Variants in PCDHGA1 observed in about 807,000 individuals in gnomAD.
The protein encoded by PCDHGA1 is protocadherin gamma subfamily A, 1, also known as protocadherin gamma-A1.
PCDHGA1 carries 32 observed loss-of-function variants against 58.0 expected under a neutral mutation model. That is an observed-to-expected ratio of 0.55 (90% confidence interval 0.42 to 0.74). PCDHGA1 has a LOEUF of 0.74. PCDHGA1 is among the 30% of genes least tolerant of loss of function. The pLI is 0.00. For missense variants in PCDHGA1, 1,205 were observed against 1,182.3 expected (o/e 1.02, Z -0.28); for synonymous variants, 498 against 501.1 (o/e 0.99, Z 0.08).
chr5:141,409,102 G>T, intron 1 of PCDHGA1: 2 of 1,613,996 alleles, frequency 1.2e-6, no homozygotes, highest in Non-Finnish European at 8.5e-7. Flanking sequence ...AAACAGGTAT[G>T]ATTAAGAATA....
intron 1 of PCDHGA1, among the ~76,000 whole-genome samples, chr5:141,402,220 C>T (rs1489596372): frequency 2.0e-5 from 3 of 151,886 alleles, no homozygotes; most frequent in African/African-American, 2.4e-5. Context: ...TTAAAATAAA[C>T]GTTTTTCCAG....
At chr5:141,415,686 G>A in intron 1 of PCDHGA1, 2 of 1,535,424 alleles carry the variant, frequency 1.3e-6, no homozygotes, top group Non-Finnish European at 1.8e-6. Context: ...GCGGCATGAT[G>A]GTGGAAAGTG....
chr5:141,439,441 T>C (rs2098112892), intron 1 of PCDHGA1, among the ~76,000 whole-genome samples: 2 of 152,348 alleles, frequency 1.3e-5, no homozygotes, highest in South Asian at 4.1e-4. Context: ...GAATATTTTA[T>C]TGCGGGAGCA....
rs143563573 is a variant in PCDHGA1 at position 141,340,513 on chromosome 5, C to T, written c.2421+7408C>T. On this transcript the variant is annotated intron_variant, in intron 1 of 3. Coordinates refer to ENST00000517417, the MANE Select transcript of PCDHGA1 (RefSeq NM_018912.3). ...CTATCAACTCCGACACTGGAGTACT[C>T]TATGCACTGCGCTCCTTTGATTATG... 1.2e-5 allele frequency: 20 copies of T among 1,614,142 alleles called. 1 individual carries two copies. The highest frequency in any genetic ancestry group is 1.7e-5 in the Non-Finnish European group (20 of 1,180,060).
At chr5:141,389,500 C>A in intron 1 of PCDHGA1, 1 of 1,613,056 alleles carries the variant, frequency 6.2e-7, no homozygotes, top group Non-Finnish European at 8.5e-7. Context: ...GGCTCGCCAG[C>A]GCTCAGCGCG....
chr5:141,422,744 T>C, intron 1 of PCDHGA1: 1 of 1,610,696 alleles, frequency 6.2e-7, no homozygotes, highest in Non-Finnish European at 8.5e-7. Flanking sequence ...TCCTCCTATG[T>C]CTCTATTAAC....
At chr5:141,351,592 T>C (rs78745319) in intron 1 of PCDHGA1, 37,092 of 1,613,926 alleles carry the variant, frequency 0.023, 971 homozygotes, top group African/African-American at 0.14. Flanking sequence ...TCAACGACAA[T>C]GCACCTGTTT....
At chr5:141,449,537 C>A (rs1377909573) in intron 1 of PCDHGA1, among the ~76,000 whole-genome samples, 1 of 146,334 alleles carries the variant, frequency 6.8e-6, no homozygotes, top group Non-Finnish European at 1.5e-5. Flanking sequence ...TGCAGTGAGC[C>A]GAGATCGCAC....
rs1303059399 is a variant in PCDHGA1 at position 141,332,249 on chromosome 5, A to C, written c.1565A>C (p.Tyr522Ser). ...GVLYALRSFD[Y>S]EQFRDMQLKV... is the part of the protein sequence containing the mutation. ...CTGTATGCGCTGCGATCCTTCGACT[A>C]TGAGCAGTTCCGGGACATGCAACTG... The change falls in exon 1 of 4, where the codon TAT (tyrosine) becomes TCT (serine). Residue 522 changes from tyrosine (Y) to serine (S), a missense_variant. Tyr to Ser is a moderately radical substitution (Grantham distance 144). Coordinates refer to ENST00000517417, the MANE Select transcript of PCDHGA1 (RefSeq NM_018912.3). The surrounding 1 kb of genome is among the most constrained non-coding windows in gnomAD (Gnocchi z 4.6). The C allele has an allele frequency of 6.2e-7, 1 of 1,614,204 alleles. No homozygotes were observed. The highest frequency in any genetic ancestry group is 1.7e-5 in the Admixed American group (1 of 60,024).
At position 141,340,240 on chromosome 5, in the gene PCDHGA1, C is replaced by A. The variant is rs529728428; in HGVS notation, c.2421+7135C>A. The stretch of plus-strand genomic sequence containing the variant: ...TTTCCTTTTACAACATCACTCTAAC[C>A]GCTAAAGATGGAGGGAACCCCTCCC... On this transcript the variant is annotated intron_variant, in intron 1 of 3. Coordinates refer to ENST00000517417, the MANE Select transcript of PCDHGA1 (RefSeq NM_018912.3). 2.2e-5 allele frequency: 36 copies of A among 1,614,202 alleles called. 1 individual carries two copies. The South Asian group carries it at 3.4e-4, about 15-fold the overall frequency.
intron 2 of PCDHGA1, among the ~76,000 whole-genome samples, chr5:141,503,886 T>G (rs150106838): frequency 8.2e-4 from 125 of 152,290 alleles, no homozygotes; most frequent in African/African-American, 2.9e-3. Flanking sequence ...TCACCCACCA[T>G]GACAAAATAT....
At chr5:141,427,650 G>C (rs1352503291) in intron 1 of PCDHGA1, 1 of 718,312 alleles carries the variant, frequency 1.4e-6, no homozygotes. Flanking sequence ...AGTCTCCTAC[G>C]TGGTCCACGT....
chr5:141,446,173 G>A (rs2098491860), intron 1 of PCDHGA1, among the ~76,000 whole-genome samples: 1 of 152,076 alleles, frequency 6.6e-6, no homozygotes, highest in East Asian at 1.9e-4. Context: ...TGAGGGCAGG[G>A]GGTGTTTTGT....
intron 1 of PCDHGA1, chr5:141,385,127 T>C: frequency 6.2e-7 from 1 of 1,614,222 alleles, no homozygotes. Context: ...TTTGTGGGCA[T>C]GGACGGGGTG....
chr5:141,497,211 G>T (rs914346878), intron 2 of PCDHGA1, among the ~76,000 whole-genome samples: 12 of 28,538 alleles, frequency 4.2e-4, no homozygotes, highest in African/African-American at 1.1e-3. Context: ...GAGTGTAATG[G>T]GGGGGGGAAG....
rs2099427481 is a variant in PCDHGA1 at position 141,477,973 on chromosome 5, T to A, written c.2422-16834T>A. On this transcript the variant is annotated intron_variant, in intron 1 of 3. Coordinates refer to ENST00000517417, the MANE Select transcript of PCDHGA1 (RefSeq NM_018912.3). The surrounding 1 kb of genome is among the most constrained non-coding windows in gnomAD (Gnocchi z 4.9). The stretch of plus-strand genomic sequence containing the variant: ...TGGGATCCCCTAACCAGAGCCTTTT[T>A]GCCATAGGGCTGCACACTGGTCAAA... 1 of 1,614,030 alleles carries A rather than the reference T, an allele frequency of 6.2e-7. No individual in the cohort carries two copies. The highest frequency in any genetic ancestry group is 8.5e-7 in the Non-Finnish European group (1 of 1,180,030).
At chr5:141,504,378 C>T (rs2099837786) in intron 2 of PCDHGA1, among the ~76,000 whole-genome samples, 1 of 152,052 alleles carries the variant, frequency 6.6e-6, no homozygotes, top group Non-Finnish European at 1.5e-5. Flanking sequence ...CAGGTGGAGT[C>T]GCTGCCTCAC....
chr5:141,422,409 A>G, intron 1 of PCDHGA1: 1 of 1,601,728 alleles, frequency 6.2e-7, no homozygotes. Flanking sequence ...TGCCTTTTAA[A>G]TTAGAAAAGA....
At position 141,418,594 on chromosome 5, in the gene PCDHGA1, C is replaced by G. The variant is rs775489120; in HGVS notation, c.2422-76213C>G. 2.9e-5 allele frequency: 47 copies of G among 1,613,904 alleles called. No individual in the cohort carries two copies. In the South Asian group the frequency reaches 4.6e-4, roughly 16 times the overall value. On this transcript the variant is annotated intron_variant, in intron 1 of 3. Transcript: ENST00000517417. ...ACAACCCCCCAGTGTTCAGCCAGGA[C>G]GTGTACAGGGTTAGCCTTCGGGAAG...
Sources: gnomAD v4.1 joint callset for allele counts (sites outside exome capture counted in the v4.1 genomes callset) on GRCh38, gnomAD v4.1.1 for gene constraint, Gnocchi (gnomAD v3.1) non-coding constraint, MANE v1.5 for transcripts, NCBI Gene and HGNC (gene_info 2026-07-23, HGNC 2026-07-21) for gene names.